Variants in KDM4A observed in about 807,000 individuals in gnomAD.
KDM4A encodes lysine-specific demethylase 4A.
KDM4A carries 23 observed loss-of-function variants against 127.1 expected under a neutral mutation model. That is an observed-to-expected ratio of 0.18 (90% CI 0.13 to 0.26). The LOEUF (loss-of-function observed/expected upper bound fraction) is 0.26, where lower values mean the gene tolerates loss of function less well. KDM4A is among the 10% of genes least tolerant of loss of function. KDM4A has a pLI of 1.00. For missense variants in KDM4A, 890 were observed against 1,329.1 expected (o/e 0.67, Z 5.14); for synonymous variants, 443 against 466.5 (o/e 0.95, Z 0.65).
chr1:43,654,179 C>G (rs1427907850), intron 2 of KDM4A, among the ~76,000 whole-genome samples: 4 of 152,172 alleles, frequency 2.6e-5, no homozygotes, highest in Non-Finnish European at 5.9e-5. Context: ...TGCAGTTTTT[C>G]ATAGCACATT....
intron 19 of KDM4A, among the ~76,000 whole-genome samples, chr1:43,701,214 C>T (rs760888426): frequency 6.6e-5 from 10 of 151,964 alleles, no homozygotes; most frequent in African/African-American, 9.7e-5. Context: ...CCACCACGCC[C>T]GGCCATAAAT....
At position 43,665,720 on chromosome 1, in the gene KDM4A, A is replaced by G; in HGVS notation, c.648A>G (p.Gly216=). Residue 216 remains glycine (G), a synonymous_variant, in exon 6 of 22, where the codon GGA becomes GGG. Transcript: ENST00000372396. The stretch of plus-strand genomic sequence containing the variant: ...GGTACTCTGTTCCACCTGAGCATGG[A>G]AAGCGGTTGGAACGCCTCGCCAAAG... ...KSWYSVPPEH[G]KRLERLAKGF... 1 of 1,614,122 alleles carries G rather than the reference A, an allele frequency of 6.2e-7. No homozygotes were observed. Among genetic ancestry groups the G allele is most frequent in the Non-Finnish European group, 8.5e-7 (1 of 1,180,008 alleles).
intron 11 of KDM4A, among the ~76,000 whole-genome samples, chr1:43,678,406 G>A (rs1454137922): frequency 6.6e-6 from 1 of 152,076 alleles, no homozygotes; most frequent in African/African-American, 2.4e-5. Context: ...GGAAAGAACA[G>A]TGTATCCAGT....
At chr1:43,654,942 C>A (rs779075490) in intron 2 of KDM4A, among the ~76,000 whole-genome samples, 1 of 151,856 alleles carries the variant, frequency 6.6e-6, no homozygotes, top group East Asian at 1.9e-4. Flanking sequence ...ACCTCTGCCT[C>A]CGGGTTCAAG....
At chr1:43,661,558 G>A (rs185408407) in intron 4 of KDM4A, among the ~76,000 whole-genome samples, 1 of 133,666 alleles carries the variant, frequency 7.5e-6, no homozygotes, top group African/African-American at 2.8e-5. Flanking sequence ...GCAGTGAGCC[G>A]AGATTGCACC....
intron 14 of KDM4A, 89 bp downstream of exon 14, chr1:43,691,138 C>G (rs1661099912): frequency 7.5e-7 from 1 of 1,325,870 alleles, no homozygotes; most frequent in South Asian, 1.2e-5. Flanking sequence ...CCTCCCAGCC[C>G]CAAAAAGATT....
chr1:43,701,715 T>C (rs1285258193), intron 19 of KDM4A, among the ~76,000 whole-genome samples: 2 of 152,134 alleles, frequency 1.3e-5, no homozygotes, highest in Non-Finnish European at 2.9e-5. Context: ...CTTGAACTCC[T>C]GGGCTGATGC....
chr1:43,668,111 TG>T, intron 9 of KDM4A, 92 bp downstream of exon 9: 1 of 1,504,904 alleles, frequency 6.6e-7, no homozygotes, highest in South Asian at 1.3e-5. Context: ...TTGTTTTTTT[TG>T]TTTTGTTTTG....
intron 1 of KDM4A, among the ~76,000 whole-genome samples, chr1:43,652,685 T>C (rs967305572): frequency 2.0e-5 from 3 of 147,384 alleles, no homozygotes; most frequent in African/African-American, 7.5e-5. Flanking sequence ...CTTTCTTTTT[T>C]TTTTTTTTTT....
intron 11 of KDM4A, among the ~76,000 whole-genome samples, chr1:43,675,177 C>T (rs1190312782): frequency 6.6e-6 from 1 of 152,238 alleles, no homozygotes; most frequent in Non-Finnish European, 1.5e-5. Flanking sequence ...CCTCCACCTC[C>T]AACATGTGCT....
chr1:43,690,580 G>A, intron 13 of KDM4A: 2 of 520,114 alleles, frequency 3.8e-6, no homozygotes, highest in Non-Finnish European at 7.0e-6. Context: ...CTTTCTTTGG[G>A]AAGATTGAAA....
intron 6 of KDM4A, 114 bp downstream of exon 6, chr1:43,665,859 TGCAGACGG>T: frequency 9.3e-7 from 1 of 1,078,936 alleles, no homozygotes; most frequent in Non-Finnish European, 1.4e-6. Flanking sequence ...GTTGCAGGCC[TGCAGACGG>T]GGGTGAGCCA....
chr1:43,661,084 C>T (rs1449893675), intron 4 of KDM4A, among the ~76,000 whole-genome samples: 2 of 151,936 alleles, frequency 1.3e-5, no homozygotes, highest in East Asian at 3.9e-4. Flanking sequence ...AAGTGATTCT[C>T]CTGCCTCAGC....
chr1:43,664,369 C>A (rs964059631), intron 5 of KDM4A, among the ~76,000 whole-genome samples: 5 of 151,934 alleles, frequency 3.3e-5, no homozygotes, highest in African/African-American at 1.2e-4. Context: ...GAGTTGGAGA[C>A]CAGCCTGGCC....
intron 1 of KDM4A, among the ~76,000 whole-genome samples, chr1:43,651,991 G>A (rs1426756671): frequency 2.0e-5 from 3 of 152,032 alleles, no homozygotes; most frequent in Non-Finnish European, 2.9e-5. Context: ...TTCACTTTAG[G>A]GTTTTAAAAT....
rs536802440 is a variant in KDM4A at position 43,680,388 on chromosome 1, G to T, written c.1735-3296G>T. On this transcript the variant is annotated intron_variant, in intron 11 of 21. Coordinates refer to ENST00000372396, the MANE Select transcript of KDM4A (RefSeq NM_014663.3). ...AAAAGGTGTCCTCTTCCCTTCCCAA[G>T]CTGCATTCTGGTGTTCTTGACCTTC... Among the ~76,000 whole-genome samples, 7 of 152,288 alleles carry T rather than the reference G, an allele frequency of 4.6e-5. No homozygotes were observed. The South Asian group carries it at 6.2e-4, about 14-fold the overall frequency.
intron 11 of KDM4A, among the ~76,000 whole-genome samples, chr1:43,677,481 A>ATCTGTT (rs1365990338): frequency 1.3e-5 from 2 of 152,166 alleles, no homozygotes; most frequent in Non-Finnish European, 2.9e-5. Context: ...TCATTGTCCA[A>ATCTGTT]TCTGTTTTAC....
chr1:43,685,306 C>T lies in KDM4A; in HGVS notation c.1855+1502C>T, dbSNP rs552819404. Among the ~76,000 whole-genome samples, 9 of 152,238 alleles carry T rather than the reference C, an allele frequency of 5.9e-5. 1 individual carries two copies. The South Asian group carries it at 1.7e-3, about 28-fold the overall frequency. ...AGAGATCCAGGATGATCATCACTGC[C>T]GAGCCTCAGCTCCAGCTTGGTTGGT... On this transcript the variant is annotated intron_variant, in intron 12 of 21. Coordinates refer to ENST00000372396, the MANE Select transcript of KDM4A (RefSeq NM_014663.3).
chr1:43,704,722 T>G lies in KDM4A; in HGVS notation c.*352T>G, dbSNP rs965379213. The G allele has an allele frequency of 3.7e-6, 1 of 273,174 alleles. No homozygotes were observed. Among genetic ancestry groups the G allele is most frequent in the Non-Finnish European group, 7.0e-6 (1 of 143,468 alleles). The allele number at this position is 273,174 out of a possible 1,614,324, so 16.9% of individuals were successfully genotyped here. ...CTTCATAACTATCACCTGCACCGAC[T>G]AGGCTGAGGTGCTGGTACTTGCCCC... On this transcript the variant is annotated 3_prime_UTR_variant, in exon 22 of 22. Transcript: ENST00000372396.
Sources: allele counts gnomAD v4.1 joint callset (sites outside exome capture counted in the v4.1 genomes callset), GRCh38; gene constraint gnomAD v4.1.1; transcripts MANE v1.5; gene names NCBI Gene and HGNC (gene_info 2026-07-23, HGNC 2026-07-21).